The following FBXW11 variants were observed in gnomAD, a reference collection of about 807,000 sequenced individuals.
FBXW11 encodes F-box/WD repeat-containing protein 11.
FBXW11 carries 19 observed loss-of-function variants against 77.6 expected under a neutral mutation model. That is an observed-to-expected ratio of 0.24 (90% CI 0.17 to 0.36). FBXW11 has a LOEUF of 0.36. FBXW11 is among the 10% of genes least tolerant of loss of function. The pLI is 1.00. For missense variants in FBXW11, 334 were observed against 704.2 expected (o/e 0.47, Z 5.95); for synonymous variants, 235 against 249.4 (o/e 0.94, Z 0.54).
chr5:171,972,960 T>A (rs1764617981), intron 1 of FBXW11, among the ~76,000 whole-genome samples: 1 of 152,196 alleles, frequency 6.6e-6, no homozygotes, highest in South Asian at 2.1e-4. Flanking sequence ...TCACCATCTA[T>A]CATAAATAAA....
At chr5:171,966,698 C>T (rs1764207361) in intron 1 of FBXW11, among the ~76,000 whole-genome samples, 1 of 152,230 alleles carries the variant, frequency 6.6e-6, no homozygotes, top group Admixed American at 6.5e-5. Context: ...CTAAGTACAT[C>T]TGGGCCTTTG....
chr5:171,952,854 T>G (rs941877595), intron 2 of FBXW11, among the ~76,000 whole-genome samples: 1 of 151,608 alleles, frequency 6.6e-6, no homozygotes, highest in Non-Finnish European at 1.5e-5. Flanking sequence ...ATTATGAGAT[T>G]TTTTTTCTTT....
At chr5:171,925,863 A>C (rs968178324) in intron 2 of FBXW11, among the ~76,000 whole-genome samples, 44 of 152,238 alleles carry the variant, frequency 2.9e-4, no homozygotes, top group African/African-American at 1.1e-3. Flanking sequence ...AGACATGTCA[A>C]AAATTGTGAG....
At position 171,951,687 on chromosome 5, in the gene FBXW11, C is replaced by T. The variant is rs563539258; in HGVS notation, c.147+5910G>A. Among the ~76,000 whole-genome samples the T allele has an allele frequency of 2.0e-5, 3 of 152,198 alleles. No homozygotes were observed. The South Asian group carries it at 6.2e-4, about 32-fold the overall frequency. Reference sequence around the variant, plus strand: ...TGTATTTTTAGTAGAGACGGGGTTTCACCATGTTGGTGACCTCAGGTGATC... The same window carrying T: ...TGTATTTTTAGTAGAGACGGGGTTTTACCATGTTGGTGACCTCAGGTGATC... On this transcript the variant is annotated intron_variant, in intron 2 of 13. Transcript: ENST00000517395.
intron 2 of FBXW11, among the ~76,000 whole-genome samples, chr5:171,937,827 CA>C (rs1762554649): frequency 2.2e-5 from 1 of 45,186 alleles, no homozygotes; most frequent in African/African-American, 9.2e-5. Flanking sequence ...GACCTTGGCT[CA>C]AAAAAAAGCA....
intron 2 of FBXW11, among the ~76,000 whole-genome samples, chr5:171,920,561 T>TA (rs1384149419): frequency 2.0e-5 from 3 of 152,046 alleles, no homozygotes; most frequent in Non-Finnish European, 2.9e-5. Context: ...CTCTATCTCT[T>TA]AAAAAAATTT....
rs188471815 is a variant in FBXW11, at chr5:171,955,984, T to A, written c.147+1613A>T. Among the ~76,000 whole-genome samples, 12 of 152,300 alleles carry A rather than the reference T, an allele frequency of 7.9e-5. No individual in the cohort carries two copies. In the East Asian group the frequency reaches 1.5e-3, roughly 20 times the overall value. On this transcript the variant is annotated intron_variant, in intron 2 of 13. Transcript: ENST00000517395. ...CTCACAATACTGTTACTAAAATATA[T>A]TGAATGATGCCTTCCATTGGCCAAT...
At chr5:171,994,033 G>A (rs768961416) in intron 1 of FBXW11, among the ~76,000 whole-genome samples, 2 of 152,142 alleles carry the variant, frequency 1.3e-5, no homozygotes, top group Non-Finnish European at 2.9e-5. Context: ...CTGACAGCCC[G>A]AGATGGCTAA....
chr5:171,996,115 G>A (rs958324212), intron 1 of FBXW11, among the ~76,000 whole-genome samples: 3 of 152,126 alleles, frequency 2.0e-5, no homozygotes, highest in Admixed American at 1.3e-4. Flanking sequence ...TGTAGCACTC[G>A]CTCTCAATAA....
At position 171,870,862 on chromosome 5, in the gene FBXW11, G is replaced by A; in HGVS notation, c.1341-4C>T. 1 of 1,606,588 alleles carries A rather than the reference G, an allele frequency of 6.2e-7. No homozygotes were observed. Among genetic ancestry groups the A allele is most frequent in the Non-Finnish European group, 8.5e-7 (1 of 1,173,846 alleles). Reference sequence around the variant, plus strand: ...ACCACATTCAATATCCCAGAGCCTTGAATGAAAAACAGACCTCTGTGAAAC... The same window carrying A: ...ACCACATTCAATATCCCAGAGCCTTAAATGAAAAACAGACCTCTGTGAAAC... On this transcript the variant is annotated splice_polypyrimidine_tract_variant and splice_region_variant and intron_variant, in intron 10 of 13. Coordinates refer to ENST00000517395, the MANE Select transcript of FBXW11 (RefSeq NM_001378974.1).
At chr5:171,874,292 TGC>T in intron 9 of FBXW11, among the ~76,000 whole-genome samples, 1 of 152,302 alleles carries the variant, frequency 6.6e-6, no homozygotes, top group East Asian at 1.9e-4. Flanking sequence ...AACAAGGGAA[TGC>T]AAAGCAAAAC....
chr5:171,873,006 A>G lies in FBXW11; in HGVS notation c.1222-16T>C. The G allele has an allele frequency of 6.3e-7, 1 of 1,598,974 alleles. No homozygotes were observed. Among genetic ancestry groups the G allele is most frequent in the Non-Finnish European group, 8.6e-7 (1 of 1,167,570 alleles). ...TGCTCCAGACCTGTATAACAAATTA[A>G]CAGTATTTTAAAGAATGAACACAGG... On this transcript the variant is annotated splice_polypyrimidine_tract_variant and intron_variant, in intron 9 of 13. Coordinates refer to ENST00000517395, the MANE Select transcript of FBXW11 (RefSeq NM_001378974.1).
chr5:171,987,809 A>G (rs1184854481), intron 1 of FBXW11, among the ~76,000 whole-genome samples: 1 of 152,022 alleles, frequency 6.6e-6, no homozygotes, highest in East Asian at 1.9e-4. Flanking sequence ...TAACTCCTAC[A>G]ACACTGTTTG....
chr5:171,993,065 G>C (rs541372799), intron 1 of FBXW11, among the ~76,000 whole-genome samples: 14 of 151,692 alleles, frequency 9.2e-5, no homozygotes, highest in Non-Finnish European at 2.1e-4. Context: ...AATCATAAAA[G>C]GATCTGGGAA....
intron 1 of FBXW11, among the ~76,000 whole-genome samples, chr5:171,992,702 C>G (rs940456833): frequency 6.6e-6 from 1 of 152,012 alleles, no homozygotes; most frequent in Non-Finnish European, 1.5e-5. Context: ...AATCATGTAA[C>G]TGTACTAAAG....
At chr5:171,901,135 C>T (rs1312895184) in intron 4 of FBXW11, among the ~76,000 whole-genome samples, 5 of 152,124 alleles carry the variant, frequency 3.3e-5, no homozygotes, top group African/African-American at 1.2e-4. Flanking sequence ...ATTTTTGTGC[C>T]CTAACATACA....
intron 2 of FBXW11, among the ~76,000 whole-genome samples, chr5:171,915,613 C>CTGTGTGTGTG (rs200618306): frequency 0.15 from 19,755 of 129,426 alleles, 1,824 homozygotes; most frequent in South Asian, 0.21. Context: ...GTCACTCATT[C>CTGTGTGTGTG]TGTGTGTGTG....
chr5:171,975,522 G>T (rs1485707238), intron 1 of FBXW11, among the ~76,000 whole-genome samples: 3 of 152,198 alleles, frequency 2.0e-5, no homozygotes, highest in African/African-American at 7.2e-5. Context: ...ATGCTGGTGT[G>T]AGAAAGAGCA....
At chr5:171,998,973 G>A (rs1006832423) in intron 1 of FBXW11, among the ~76,000 whole-genome samples, 1 of 152,072 alleles carries the variant, frequency 6.6e-6, no homozygotes, top group East Asian at 1.9e-4. Context: ...TCTTAAAGAT[G>A]TTCTGATTGT....
Sources: gnomAD v4.1 joint callset for allele counts (sites outside exome capture counted in the v4.1 genomes callset) on GRCh38, gnomAD v4.1.1 for gene constraint, MANE v1.5 for transcripts, NCBI Gene and HGNC (gene_info 2026-07-23, HGNC 2026-07-21) for gene names.